ADGRE3: variants seen among roughly 807,000 people sequenced by gnomAD.
The protein encoded by ADGRE3 is adhesion G protein-coupled receptor E3.
A neutral mutation model predicts 80.1 loss-of-function variants in ADGRE3; 88 were observed. The ratio of observed to expected loss-of-function variants is 1.10; its 90% CI spans 0.93 to 1.31. ADGRE3 has a LOEUF of 1.31. ADGRE3 is among the 40% of genes most tolerant of loss of function. The pLI, the probability that ADGRE3 is intolerant of heterozygous loss-of-function variation, is 0.00. For missense variants in ADGRE3, 715 were observed against 776.5 expected, an observed-to-expected ratio of 0.92 and a Z score of 0.94; for synonymous variants, 281 against 294.8, an observed-to-expected ratio of 0.95 and a Z score of 0.48.
chr19:14,661,916 A>C (rs549205254), intron 4 of ADGRE3, 47 bp downstream of exon 4: 16 of 1,596,372 alleles, frequency 1.0e-5, no homozygotes, highest in East Asian at 4.5e-5. Flanking sequence ...AACAAACAAA[A>C]AAACAACAAC....
chr19:14,655,272 AC>A, intron 5 of ADGRE3, 107 bp from the exon 6 acceptor site: 1 of 950,410 alleles, frequency 1.1e-6, no homozygotes, highest in Non-Finnish European at 1.5e-6. Context: ...AGCTGGAGGA[AC>A]CACGTTCAAA....
At chr19:14,612,725 G>C in the ADGRE3 span, among the ~76,000 whole-genome samples, 3 of 152,034 alleles carry the variant, frequency 2.0e-5, no homozygotes, top group Admixed American at 2.0e-4. Flanking sequence ...TTTGGGAGGG[G>C]TGGCACAATT....
rs1970926927 is a variant in ADGRE3 at position 14,632,978 on chromosome 19, A to T, written c.1586T>A (p.Ile529Asn). 6.2e-7 allele frequency: 1 copy of T among 1,613,934 alleles called. No individual in the cohort carries two copies. ...GAGGGAGGAAAGTTTTCTTTTCAAA[A>T]TCCAAAAGACCAAGATAAACAATAC... Reference protein sequence around the residue: ...NLVLFILVFWILKRKLSSLNS... With the variant: ...NLVLFILVFWNLKRKLSSLNS... The change falls in exon 13 of 16, where the codon ATT becomes AAT. Residue 529 changes from isoleucine (I) to asparagine (N), a missense_variant. Coordinates refer to ENST00000253673, the MANE Select transcript of ADGRE3 (RefSeq NM_032571.5).
chr19:14,618,238 CT>C (rs962866917), downstream of ADGRE3, among the ~76,000 whole-genome samples: 1 of 151,124 alleles, frequency 6.6e-6, no homozygotes, highest in Non-Finnish European at 1.5e-5. Flanking sequence ...ACTTTTTTTT[CT>C]TTTTTTTGTG....
chr19:14,616,017 C>G (rs566375375), downstream of ADGRE3, among the ~76,000 whole-genome samples: 1 of 150,622 alleles, frequency 6.6e-6, no homozygotes, highest in Non-Finnish European at 1.5e-5. Flanking sequence ...CTGTAACCTC[C>G]GCCTCCCAGG....
At chr19:14,628,572 GGCATGAGTCACTGT>G (rs1036269550) in intron 14 of ADGRE3, 3 of 194,758 alleles carry the variant, frequency 1.5e-5, no homozygotes, top group African/African-American at 7.1e-5. Context: ...TGGAATTATG[GGCATGAGTCACTGT>G]GCCTGGCCCC....
chr19:14,604,483 G>A, the ADGRE3 span, among the ~76,000 whole-genome samples: 1 of 151,930 alleles, frequency 6.6e-6, no homozygotes, highest in Non-Finnish European at 1.5e-5. Flanking sequence ...GTTTAAAGTC[G>A]GCCGGCTGCA....
intron 3 of ADGRE3, among the ~76,000 whole-genome samples, 197 bp from the exon 4 acceptor site, chr19:14,662,315 G>T (rs1166430463): frequency 7.7e-6 from 1 of 129,428 alleles, no homozygotes; most frequent in Non-Finnish European, 1.7e-5. Flanking sequence ...ACAATGAGAC[G>T]AGAATATAAG....
chr19:14,664,116 A>G (rs541228565), intron 2 of ADGRE3, among the ~76,000 whole-genome samples: 21 of 152,204 alleles, frequency 1.4e-4, no homozygotes, highest in Admixed American at 7.2e-4. Flanking sequence ...GAGGATTTTC[A>G]CATGGTGAAA....
At chr19:14,637,887 T>C (rs1971139894) in intron 11 of ADGRE3, among the ~76,000 whole-genome samples, 1 of 151,352 alleles carries the variant, frequency 6.6e-6, no homozygotes, top group African/African-American at 2.4e-5. Flanking sequence ...TACGTTACTG[T>C]GCAGTGGGCA....
intron 15 of ADGRE3, among the ~76,000 whole-genome samples, chr19:14,621,041 C>CAT (rs1367540045): frequency 6.6e-6 from 1 of 151,024 alleles, no homozygotes; most frequent in African/African-American, 2.4e-5. Context: ...TTTTTTGAGA[C>CAT]AGAGTTTCAT....
chr19:14,664,119 T>C (rs1169326186), intron 2 of ADGRE3, among the ~76,000 whole-genome samples: 1 of 152,016 alleles, frequency 6.6e-6, no homozygotes, highest in African/African-American at 2.4e-5. Flanking sequence ...GATTTTCACA[T>C]GGTGAAACCC....
downstream of ADGRE3, among the ~76,000 whole-genome samples, chr19:14,617,341 C>CCTTTCTTTCTTTCTTTCTTTCTTTCTTT (rs1555752261): frequency 9.3e-4 from 53 of 57,264 alleles, no homozygotes; most frequent in Non-Finnish European, 1.5e-3. Context: ...TCCCTCCCTC[C>CCTTTCTTTCTTTCTTTCTTTCTTTCTTT]CTTTCTTTCT....
intron 10 of ADGRE3, 36 bp from the exon 11 acceptor site, chr19:14,638,376 C>T (rs2146834154): frequency 6.5e-7 from 1 of 1,543,098 alleles, no homozygotes; most frequent in South Asian, 1.1e-5. Context: ...AAGGGGTTGT[C>T]AGGGTGGAGT....
chr19:14,646,975 AG>A (rs1715474883), intron 8 of ADGRE3, among the ~76,000 whole-genome samples: 2 of 152,004 alleles, frequency 1.3e-5, no homozygotes, highest in Admixed American at 6.6e-5. Flanking sequence ...AAGTCTTCAA[AG>A]GCTGATTTAC....
the ADGRE3 span, among the ~76,000 whole-genome samples, chr19:14,600,587 C>G: frequency 6.9e-6 from 1 of 145,342 alleles, no homozygotes; most frequent in Admixed American, 6.9e-5. Flanking sequence ...CTTTTCTTTT[C>G]TTTTTTTTTT....
Position 14,619,456 on chromosome 19 carries a change from C to G in ADGRE3, c.1936G>C (p.Gly646Arg). 6.3e-7 allele frequency: 1 copy of G among 1,595,184 alleles called. No individual in the cohort carries two copies. Among genetic ancestry groups the G allele is most frequent in the African/African-American group, 1.3e-5 (1 of 74,618 alleles). Residue 646 changes from glycine (G) to arginine (R), a missense_variant, in exon 16 of 16, where the codon GGA (glycine) becomes CGA (arginine). By Grantham distance (125) the Gly-to-Arg change is moderately radical. Coordinates refer to ENST00000253673, the MANE Select transcript of ADGRE3 (RefSeq NM_032571.5). ...TTTTAATATTTTCTCTTCACTTGTC[C>G]TGGAAAAACATCCCCCTATAAAAGA... Reference protein sequence around the residue: ...SKPSEGDVFPGQVKRKY With the variant: ...SKPSEGDVFPRQVKRKY
chr19:14,650,473 A>C (rs1824173466), intron 7 of ADGRE3, among the ~76,000 whole-genome samples: 3 of 115,282 alleles, frequency 2.6e-5, no homozygotes, highest in Non-Finnish European at 3.6e-5. Context: ...TCCCCATCTA[A>C]TTCCATCTTT....
downstream of ADGRE3, among the ~76,000 whole-genome samples, chr19:14,617,318 TTGCTTCCC>T (rs1478835605): frequency 1.5e-4 from 10 of 67,604 alleles, no homozygotes; most frequent in East Asian, 2.2e-3. Flanking sequence ...TCTCTTCCCC[TTGCTTCCC>T]TCCCTCCCTC....
Sources: allele counts gnomAD v4.1 joint callset (sites outside exome capture counted in the v4.1 genomes callset), GRCh38; gene constraint gnomAD v4.1.1; transcripts MANE v1.5; gene names NCBI Gene and HGNC (gene_info 2026-07-23, HGNC 2026-07-21).